The following SNX29 variants were observed in gnomAD, a reference collection of about 807,000 sequenced individuals.
The protein encoded by SNX29 is sorting nexin 29, also known as sorting nexin-29.
SNX29 carries 78 observed loss-of-function variants against 102.1 expected under a neutral mutation model. That is an observed-to-expected ratio of 0.76 (90% CI 0.64 to 0.92). The LOEUF (loss-of-function observed/expected upper bound fraction) is 0.92. SNX29 is among the 40% of genes least tolerant of loss of function. SNX29 has a pLI of 0.00. For missense variants in SNX29, 1,280 were observed against 1,061.7 expected, an observed-to-expected ratio of 1.21 and a Z score of -2.86; for synonymous variants, 580 against 414.5, an observed-to-expected ratio of 1.40 and a Z score of -4.85.
At position 12,225,719 on chromosome 16, in the gene SNX29, C is replaced by T. The variant is rs16959073; in HGVS notation, c.1678+26036C>T. Among the ~76,000 whole-genome samples the T allele has an allele frequency of 5.0e-3, 761 of 152,264 alleles. 8 individuals are homozygous for T. The highest frequency in any genetic ancestry group is 0.017 in the African/African-American group (700 of 41,534). On this transcript the variant is annotated intron_variant, in intron 14 of 20. Coordinates refer to ENST00000566228, the MANE Select transcript of SNX29 (RefSeq NM_032167.5). Reference sequence around the variant, plus strand: ...GGAAAGTTAAAGGCCTTTCTGGCATCGCATGAAGATTTGAGGAGCTGATAC... The same window carrying T: ...GGAAAGTTAAAGGCCTTTCTGGCATTGCATGAAGATTTGAGGAGCTGATAC...
chr16:12,288,477 G>A (rs538206053), intron 15 of SNX29, among the ~76,000 whole-genome samples: 8 of 152,210 alleles, frequency 5.3e-5, no homozygotes, highest in South Asian at 2.1e-4. Flanking sequence ...CAGCAGTCCC[G>A]GAGCTGTAAC....
intron 13 of SNX29, among the ~76,000 whole-genome samples, chr16:12,179,870 G>GTTGGTAGTAGTCTAACTT (rs146984786): frequency 1.3e-5 from 2 of 152,070 alleles, no homozygotes; most frequent in Non-Finnish European, 2.9e-5. Context: ...TGCTGTCAAA[G>GTTGGTAGTAGTCTAACTT]TCTTCTCCTT....
At chr16:12,458,785 C>A (rs528053538) in intron 18 of SNX29, among the ~76,000 whole-genome samples, 2 of 152,172 alleles carry the variant, frequency 1.3e-5, no homozygotes. Context: ...CGCACACATG[C>A]GCAGAGGCAG....
At chr16:12,271,626 CTT>C (rs112723702) in intron 14 of SNX29, among the ~76,000 whole-genome samples, 5,735 of 144,574 alleles carry the variant, frequency 0.04, 395 homozygotes, top group African/African-American at 0.14. Flanking sequence ...TTGGAACCAT[CTT>C]TTTTTTTTTT....
chr16:12,051,937 A>T lies in SNX29; in HGVS notation c.839A>T (p.Asp280Val). 6.2e-7 allele frequency: 1 copy of T among 1,613,660 alleles called. No individual in the cohort carries two copies. The change falls in exon 8 of 21, where the codon GAC (aspartate) becomes GTC (valine). Residue 280 changes from aspartate (D) to valine (V), a missense_variant. Transcript: ENST00000566228. ...DDEEDEQNSG[D>V]VFKKTPGAGE... ...GAGGAAGATGAGCAGAACTCTGGGGACGTGTTTAAAAAGACACCTGGGGCA... is the reference window on the plus strand; with the variant it reads ...GAGGAAGATGAGCAGAACTCTGGGGTCGTGTTTAAAAAGACACCTGGGGCA...
In SNX29 at chr16:12,572,276, T is replaced by TA. The variant is rs2079203598; in HGVS notation, c.*3649dup. 1.9e-6 allele frequency: 2 copies of TA among 1,058,922 alleles called. No individual in the cohort carries two copies. Among genetic ancestry groups the TA allele is most frequent in the Non-Finnish European group, 2.3e-6 (2 of 876,680 alleles). The allele number at this position is 1,058,922 out of a possible 1,614,324, so 65.6% of individuals were successfully genotyped here. On this transcript the variant is annotated 3_prime_UTR_variant, in exon 21 of 21. Transcript: ENST00000566228. Reference sequence around the variant, plus strand: ...ATACCATGGCTGTAGCTGATGCAACTAACAAGTACTGGGGCCAGTGATCAC... The same window carrying TA: ...ATACCATGGCTGTAGCTGATGCAACTAAACAAGTACTGGGGCCAGTGATCAC...
At chr16:12,538,437 G>T (rs1010127947) in intron 20 of SNX29, among the ~76,000 whole-genome samples, 3 of 152,164 alleles carry the variant, frequency 2.0e-5, no homozygotes, top group African/African-American at 7.2e-5. Context: ...ACTGAGAATG[G>T]TTACTTGGTT....
chr16:12,432,903 A>G (rs1597363003), intron 18 of SNX29, among the ~76,000 whole-genome samples: 1 of 152,210 alleles, frequency 6.6e-6, no homozygotes, highest in Admixed American at 6.5e-5. Context: ...TTGACTGTGC[A>G]TTGGTTTTAG....
intron 15 of SNX29, among the ~76,000 whole-genome samples, chr16:12,354,255 C>T (rs551900681): frequency 1.3e-5 from 2 of 152,276 alleles, no homozygotes; most frequent in African/African-American, 4.8e-5. Context: ...CAGAGGTTAG[C>T]TTAGTAACAA....
intron 3 of SNX29, among the ~76,000 whole-genome samples, chr16:12,003,288 A>G (rs1179977511): frequency 6.6e-6 from 1 of 152,196 alleles, no homozygotes; most frequent in African/African-American, 2.4e-5. Flanking sequence ...ATCTATTCTG[A>G]GGGAATTATT....
chr16:12,068,614 G>A lies in SNX29; in HGVS notation c.1244-443G>A, dbSNP rs569526962. ...GGCTGGAGTGCAATGGCACGATCTCGGCTCACTGCAACCTCTACCTCCAGG... is the reference window on the plus strand; with the variant it reads ...GGCTGGAGTGCAATGGCACGATCTCAGCTCACTGCAACCTCTACCTCCAGG... On this transcript the variant is annotated intron_variant, in intron 9 of 20. Coordinates refer to ENST00000566228, the MANE Select transcript of SNX29 (RefSeq NM_032167.5). Among the ~76,000 whole-genome samples, 7 of 152,090 alleles carry A rather than the reference G, an allele frequency of 4.6e-5. No individual in the cohort carries two copies. In the South Asian group the frequency reaches 1.5e-3, roughly 32 times the overall value.
chr16:12,258,799 T>C (rs1379932740), intron 14 of SNX29, among the ~76,000 whole-genome samples: 7 of 152,182 alleles, frequency 4.6e-5, no homozygotes, highest in Admixed American at 4.6e-4. Flanking sequence ...ACGTCTCCTC[T>C]GTTAAAGGTG....
chr16:11,997,477 A>G (rs1596552478), intron 1 of SNX29, among the ~76,000 whole-genome samples: 2 of 149,178 alleles, frequency 1.3e-5, no homozygotes, highest in Non-Finnish European at 3.0e-5. Context: ...GTTTACATTT[A>G]TACTTTTTTT....
intron 13 of SNX29, among the ~76,000 whole-genome samples, chr16:12,193,325 C>T (rs1379070671): frequency 1.3e-5 from 2 of 151,966 alleles, no homozygotes; most frequent in African/African-American, 4.8e-5. Flanking sequence ...AAACAATTAG[C>T]CGGGCCTAGT....
At chr16:11,988,889 C>A (rs1392767079) in intron 1 of SNX29, among the ~76,000 whole-genome samples, 1 of 152,200 alleles carries the variant, frequency 6.6e-6, no homozygotes, top group African/African-American at 2.4e-5. Flanking sequence ...AATTGAGTAA[C>A]TGTGACAGAG....
At chr16:12,542,963 G>T (rs1255382372) in intron 20 of SNX29, among the ~76,000 whole-genome samples, 1 of 152,104 alleles carries the variant, frequency 6.6e-6, no homozygotes. Context: ...AAGCAGAAAA[G>T]AAGTACTTAC....
At position 12,568,838 on chromosome 16, in the gene SNX29, C is replaced by T. The variant is rs1419658661; in HGVS notation, c.*209C>T. 5.4e-6 allele frequency: 4 copies of T among 744,450 alleles called. No homozygotes were observed. Among genetic ancestry groups the T allele is most frequent in the East Asian group, 2.8e-5 (1 of 35,208 alleles). The allele number at this position is 744,450 out of a possible 1,614,324, so 46.1% of individuals were successfully genotyped here. On this transcript the variant is annotated 3_prime_UTR_variant, in exon 21 of 21. Transcript: ENST00000566228. ...GTGACCCGAGAGACCAAGGCAGCAC[C>T]TCGCTGGAGAGACTGGGACACACAG... is the stretch of plus-strand genomic sequence containing the variant.
intron 20 of SNX29, among the ~76,000 whole-genome samples, chr16:12,547,857 C>T (rs149853856): frequency 3.9e-5 from 6 of 152,156 alleles, no homozygotes; most frequent in Non-Finnish European, 7.3e-5. Flanking sequence ...TGGAGTTTAG[C>T]AAAATGAGCC....
In SNX29 at chr16:12,574,148, AATGTG is replaced by A. The variant is rs2079244359; in HGVS notation, c.*5520_*5524del. 4 of 182,034 alleles carry A rather than the reference AATGTG, an allele frequency of 2.2e-5. No homozygotes were observed. Among genetic ancestry groups the A allele is most frequent in the Admixed American group, 1.3e-4 (2 of 15,962 alleles). The allele number at this position is 182,034 out of a possible 1,614,324, so 11.3% of individuals were successfully genotyped here. A position where few individuals can be genotyped will look rare whatever the true frequency, so the allele number is the denominator to read the frequency against. On this transcript the variant is annotated 3_prime_UTR_variant, in exon 21 of 21. Coordinates refer to ENST00000566228, the MANE Select transcript of SNX29 (RefSeq NM_032167.5). ...GTTTACATAATAGGATTTTTAAACA[AATGTG>A]TTTAATTTTTTAAGATCTCTTGTAT...
Sources: allele counts gnomAD v4.1 joint callset (sites outside exome capture counted in the v4.1 genomes callset), GRCh38; gene constraint gnomAD v4.1.1; transcripts MANE v1.5; gene names NCBI Gene and HGNC (gene_info 2026-07-23, HGNC 2026-07-21).